Variants in OSBPL9 observed in about 807,000 individuals in gnomAD.
The protein encoded by OSBPL9 is oxysterol-binding protein-related protein 9.
OSBPL9 carries 40 observed loss-of-function variants against 106.6 expected under a neutral mutation model. The observed-to-expected ratio is 0.38, with a 90% CI of 0.29 to 0.49. The LOEUF is 0.49. Ranked by LOEUF, OSBPL9 falls within the 20% of genes least tolerant of loss-of-function variation. The pLI, the probability that OSBPL9 is intolerant of heterozygous loss-of-function variation, is 0.97. For missense variants in OSBPL9, 609 were observed against 887.2 expected (o/e 0.69, Z 3.98); for synonymous variants, 269 against 295.4 (o/e 0.91, Z 0.92).
intron 1 of OSBPL9, among the ~76,000 whole-genome samples, chr1:51,621,403 T>A (rs1480024829): frequency 6.6e-6 from 1 of 151,210 alleles, no homozygotes; most frequent in Non-Finnish European, 1.5e-5. Flanking sequence ...GAATTCAGCC[T>A]CTCCCTTCAA....
intron 2 of OSBPL9, among the ~76,000 whole-genome samples, chr1:51,607,513 TA>T (rs1175128215): frequency 6.6e-6 from 1 of 152,202 alleles, no homozygotes; most frequent in Non-Finnish European, 1.5e-5. Context: ...TAGATAGGTA[TA>T]TTTTTTATAA....
chr1:51,683,677 C>T (rs1234394338), intron 3 of OSBPL9, among the ~76,000 whole-genome samples: 2 of 151,894 alleles, frequency 1.3e-5, no homozygotes, highest in African/African-American at 4.8e-5. Flanking sequence ...CCTGTAATCG[C>T]AGCTACTCAG....
At chr1:51,607,091 T>G (rs972184796) in intron 2 of OSBPL9, among the ~76,000 whole-genome samples, 1 of 150,622 alleles carries the variant, frequency 6.6e-6, no homozygotes, top group Non-Finnish European at 1.5e-5. Context: ...AACACAAAAG[T>G]ATAAAGAAAA....
chr1:51,524,870 C>G, the OSBPL9 span, among the ~76,000 whole-genome samples: 1 of 152,224 alleles, frequency 6.6e-6, no homozygotes, highest in African/African-American at 2.4e-5. Context: ...AAACCTTGCA[C>G]TCATGGCTGC....
chr1:51,520,076 T>G, the OSBPL9 span, among the ~76,000 whole-genome samples: 1 of 152,234 alleles, frequency 6.6e-6, no homozygotes, highest in Non-Finnish European at 1.5e-5. Flanking sequence ...CTCTTCCTTA[T>G]GTCAGAGTTA....
the OSBPL9 span, among the ~76,000 whole-genome samples, chr1:51,522,146 T>C: frequency 6.6e-6 from 1 of 152,238 alleles, no homozygotes; most frequent in Non-Finnish European, 1.5e-5. Flanking sequence ...ATATAATTGT[T>C]ATTTGGATCT....
intron 3 of OSBPL9, chr1:51,708,139 T>G (rs1236784435): frequency 5.3e-6 from 1 of 188,400 alleles, no homozygotes; most frequent in Non-Finnish European, 1.1e-5. Flanking sequence ...AGCCTTCATT[T>G]TCACCATGGT....
At position 51,789,180 on chromosome 1, in the gene OSBPL9, C is replaced by CAA; in HGVS notation, c.*1393_*1394dup. 6.5e-7 allele frequency: 1 copy of CAA among 1,527,502 alleles called. No individual in the cohort carries two copies. Among genetic ancestry groups the CAA allele is most frequent in the Non-Finnish European group, 9.1e-7 (1 of 1,102,362 alleles). 94.6% of individuals were successfully genotyped at this position (1,527,502 alleles called of 1,614,324 possible). On this transcript the variant is annotated 3_prime_UTR_variant, in exon 24 of 24. Transcript: ENST00000428468. The stretch of plus-strand genomic sequence containing the variant: ...GTAGTATAACTAACTCCATAAAATA[C>CAA]AAACAAACACATTTTAAAATACACA...
At chr1:51,606,162 G>A (rs974556098) in intron 2 of OSBPL9, among the ~76,000 whole-genome samples, 8 of 152,220 alleles carry the variant, frequency 5.3e-5, no homozygotes, top group African/African-American at 1.7e-4. Flanking sequence ...GCAGGTTTGA[G>A]ACCAGTTAGT....
At chr1:51,613,821 A>G (rs1557584708), upstream of OSBPL9, among the ~76,000 whole-genome samples, 1 of 149,684 alleles carries the variant, frequency 6.7e-6, no homozygotes, top group African/African-American at 2.5e-5. Flanking sequence ...TGCTTACTGT[A>G]TCCTTGACCT....
At chr1:51,752,247 G>A (rs1263547799) in intron 8 of OSBPL9, among the ~76,000 whole-genome samples, 7 of 105,134 alleles carry the variant, frequency 6.7e-5, no homozygotes, top group Non-Finnish European at 9.9e-5. Flanking sequence ...CTCCACCCCC[G>A]CCCCCGGCTT....
chr1:51,529,398 T>G, the OSBPL9 span, among the ~76,000 whole-genome samples: 1 of 152,026 alleles, frequency 6.6e-6, no homozygotes, highest in Non-Finnish European at 1.5e-5. Context: ...CCACCATGCC[T>G]GGCTAATTTT....
At position 51,729,758 on chromosome 1, in the gene OSBPL9, G is replaced by A; in HGVS notation, c.318+15679G>A. On this transcript the variant is annotated intron_variant, in intron 4 of 23. Coordinates refer to ENST00000428468, the MANE Select transcript of OSBPL9 (RefSeq NM_024586.6). This position sits in a 1 kb window ranked among gnomAD's most constrained non-coding sequence, Gnocchi z 5.1. ...GGTCTCTTTGCCAGGAGCCGCCAGG[G>A]CCAGCCAATCGGGGCGACCCCTCCG... The A allele has an allele frequency of 3.4e-6, 4 of 1,166,894 alleles. No individual in the cohort carries two copies. Among genetic ancestry groups the A allele is most frequent in the Non-Finnish European group, 4.3e-6 (4 of 924,276 alleles). 72.3% of individuals were successfully genotyped at this position (1,166,894 alleles called of 1,614,324 possible).
chr1:51,740,143 A>C (rs569854882), intron 4 of OSBPL9: 2 of 1,549,512 alleles, frequency 1.3e-6, no homozygotes, highest in East Asian at 4.9e-5. Context: ...TTTATGGAAG[A>C]TCAGTACCAC....
intron 1 of OSBPL9, among the ~76,000 whole-genome samples, chr1:51,651,697 T>G (rs1187360718): frequency 6.6e-6 from 1 of 152,032 alleles, no homozygotes; most frequent in African/African-American, 2.4e-5. Flanking sequence ...CTCTAAAGTA[T>G]GAGAAACATT....
At chr1:51,691,224 T>A in intron 3 of OSBPL9, among the ~76,000 whole-genome samples, 1 of 151,838 alleles carries the variant, frequency 6.6e-6, no homozygotes, top group East Asian at 1.9e-4. Context: ...TAGATTTATT[T>A]AAAAATTTTT....
chr1:51,573,640 C>A (rs1247567684), upstream of OSBPL9, among the ~76,000 whole-genome samples: 1 of 151,154 alleles, frequency 6.6e-6, no homozygotes, highest in Non-Finnish European at 1.5e-5. Context: ...ATGGTGAGAC[C>A]CCGTCTCTAC....
intron 12 of OSBPL9, among the ~76,000 whole-genome samples, chr1:51,770,981 C>G (rs1482967741): frequency 6.6e-6 from 1 of 151,960 alleles, no homozygotes; most frequent in Non-Finnish European, 1.5e-5. Context: ...AATGATGTGT[C>G]AATGTAGGCT....
At chr1:51,573,587 G>A (rs766201277), upstream of OSBPL9, among the ~76,000 whole-genome samples, 1 of 150,890 alleles carries the variant, frequency 6.6e-6, no homozygotes, top group South Asian at 2.1e-4. Context: ...AGGCTAAGGC[G>A]GGCAGATCAC....
Sources: allele counts gnomAD v4.1 joint callset (sites outside exome capture counted in the v4.1 genomes callset), GRCh38; gene constraint gnomAD v4.1.1; non-coding constraint Gnocchi (gnomAD v3.1); transcripts MANE v1.5; gene names NCBI Gene and HGNC (gene_info 2026-07-23, HGNC 2026-07-21).